Variants in OPA1 observed in about 807,000 individuals in gnomAD.
OPA1 encodes OPA1 mitochondrial dynamin like GTPase.
A neutral mutation model predicts 152.9 loss-of-function variants in OPA1; 59 were observed. The ratio of observed to expected loss-of-function variants is 0.39; its 90% confidence interval spans 0.31 to 0.48. The LOEUF (loss-of-function observed/expected upper bound fraction) is 0.48. Ranked by LOEUF, OPA1 falls within the 20% of genes least tolerant of loss-of-function variation. The probability of loss-of-function intolerance (pLI) is 0.96; values close to 1 mark genes in which losing one functional copy is unlikely to be tolerated. For synonymous variants in OPA1, 400 were observed against 389.9 expected, an observed-to-expected ratio of 1.03 and a Z score of -0.31; for missense variants, 1,008 against 1,216.8, an observed-to-expected ratio of 0.83 and a Z score of 2.55.
chr3:193,664,567 C>T (rs1716080813), intron 26 of OPA1, among the ~76,000 whole-genome samples: 2 of 151,706 alleles, frequency 1.3e-5, no homozygotes, highest in Non-Finnish European at 2.9e-5. Flanking sequence ...TTCCTCACCT[C>T]TAACTAGGGG....
intron 29 of OPA1, 195 bp from the exon 30 acceptor site, chr3:193,691,868 C>G (rs1456789567): frequency 7.8e-6 from 4 of 512,618 alleles, no homozygotes; most frequent in Non-Finnish European, 1.4e-5. Context: ...GTCTCTCCTC[C>G]CACTTCCAAA....
Position 193,593,264 on chromosome 3 carries a change from C to G in OPA1, c.-114C>G. The G allele has an allele frequency of 8.9e-7, 1 of 1,119,970 alleles. No individual in the cohort carries two copies. The highest frequency in any genetic ancestry group is 1.2e-6 in the Non-Finnish European group (1 of 811,282). The allele number at this position is 1,119,970 out of a possible 1,614,324, so 69.4% of individuals were successfully genotyped here. On this transcript the variant is annotated 5_prime_UTR_variant, in exon 1 of 31. Coordinates refer to ENST00000361510, the MANE Select transcript of OPA1 (RefSeq NM_130837.3). Reference sequence around the variant, plus strand: ...AGGGCCTCGGCCGCGGCTCTGTGCCCTTGCTGCTGAGGGCCACTTCCTGGG... The same window carrying G: ...AGGGCCTCGGCCGCGGCTCTGTGCCGTTGCTGCTGAGGGCCACTTCCTGGG...
chr3:193,633,074 G>T (rs969819334), intron 8 of OPA1, among the ~76,000 whole-genome samples: 1 of 147,862 alleles, frequency 6.8e-6, no homozygotes, highest in East Asian at 2.0e-4. Flanking sequence ...CTCACTATAC[G>T]CTAGACTCAC....
rs373007172 is a variant in OPA1 at position 193,618,410 on chromosome 3, G to A, written c.611-459G>A. On this transcript the variant is annotated intron_variant, in intron 5 of 30. Coordinates refer to ENST00000361510, the MANE Select transcript of OPA1 (RefSeq NM_130837.3). ...GGAGAATTGCTTGAACCCAGGAGGCGGAGGTTGCAGTGAGCCAAGATCGCG... is the reference window on the plus strand; with the variant it reads ...GGAGAATTGCTTGAACCCAGGAGGCAGAGGTTGCAGTGAGCCAAGATCGCG... Among the ~76,000 whole-genome samples the A allele has an allele frequency of 8.0e-4, 121 of 151,832 alleles. 1 individual carries two copies. Among genetic ancestry groups the A allele is most frequent in the African/African-American group, 2.8e-3 (117 of 41,432 alleles).
At chr3:193,663,078 G>C in intron 26 of OPA1, 116 bp downstream of exon 26, 1 of 1,005,956 alleles carries the variant, frequency 9.9e-7, no homozygotes, top group Non-Finnish European at 1.5e-6. Context: ...TTTGTCACGT[G>C]TACATTTGCT....
At chr3:193,683,546 T>C (rs1577390558) in intron 29 of OPA1, among the ~76,000 whole-genome samples, 2 of 152,180 alleles carry the variant, frequency 1.3e-5, no homozygotes, top group East Asian at 3.9e-4. Context: ...TGTGAAATCT[T>C]TCATGAAAGG....
intron 29 of OPA1, among the ~76,000 whole-genome samples, chr3:193,685,938 T>C (rs1720883304): frequency 6.6e-6 from 1 of 152,214 alleles, no homozygotes; most frequent in Admixed American, 6.5e-5. Flanking sequence ...GAATACAACA[T>C]TGTCATATAT....
intron 1 of OPA1, among the ~76,000 whole-genome samples, chr3:193,597,367 T>A (rs1725767316): frequency 6.6e-6 from 1 of 152,090 alleles, no homozygotes; most frequent in Non-Finnish European, 1.5e-5. Flanking sequence ...TATGGTGCCC[T>A]CCGTAAGAGC....
intron 29 of OPA1, among the ~76,000 whole-genome samples, chr3:193,673,485 G>A (rs922707681): frequency 2.6e-5 from 4 of 152,192 alleles, no homozygotes; most frequent in African/African-American, 9.7e-5. Context: ...CATGTCTCTA[G>A]ATATCCTTTA....
intron 6 of OPA1, among the ~76,000 whole-genome samples, chr3:193,622,386 G>C (rs971018887): frequency 4.0e-5 from 6 of 151,616 alleles, no homozygotes; most frequent in Admixed American, 1.3e-4. Context: ...CTGCCACCAC[G>C]CCTAGCTAAT....
intron 11 of OPA1, among the ~76,000 whole-genome samples, chr3:193,641,130 G>T (rs1733722824): frequency 6.6e-6 from 1 of 152,200 alleles, no homozygotes; most frequent in African/African-American, 2.4e-5. Flanking sequence ...ACATGGGAGA[G>T]AAACCTACCT....
rs146677275 is a variant in OPA1, at chr3:193,608,137, T to A, written c.33-6586T>A. Among the ~76,000 whole-genome samples, 1,440 of 152,292 alleles carry A rather than the reference T, an allele frequency of 9.5e-3. 22 individuals carry two copies. Among genetic ancestry groups the A allele is most frequent in the African/African-American group, 0.032 (1,351 of 41,570 alleles). ...GCTAGCGGTCTATCAATTTTGTTGA[T>A]CTTTTCGAAAAACCAGTTACTGGAT... On this transcript the variant is annotated intron_variant, in intron 1 of 30. Transcript: ENST00000361510.
intron 2 of OPA1, 85 bp downstream of exon 2, chr3:193,615,126 A>G (rs1476413469): frequency 4.8e-6 from 5 of 1,046,388 alleles, no homozygotes; most frequent in Non-Finnish European, 6.0e-6. Flanking sequence ...GTAGTGGAAT[A>G]CAATTGGATG....
chr3:193,638,772 AT>A (rs764668111), intron 11 of OPA1, among the ~76,000 whole-genome samples: 4 of 152,198 alleles, frequency 2.6e-5, no homozygotes, highest in Non-Finnish European at 4.4e-5. Context: ...AAATTACTAT[AT>A]TTTGTAAATG....
At position 193,615,618 on chromosome 3, in the gene OPA1, T is replaced by C. The variant is rs1728893456; in HGVS notation, c.352-56T>C. 6.4e-6 allele frequency: 6 copies of C among 943,966 alleles called. No individual in the cohort carries two copies. The East Asian group carries it at 1.4e-4, about 23-fold the overall frequency. The allele number at this position is 943,966 out of a possible 1,614,324, so 58.5% of individuals were successfully genotyped here. The stretch of plus-strand genomic sequence containing the variant: ...TGTGTTTTAATTAAATAATTTTTCT[T>C]TACATGTTTATTTGGCATGCAGAGC... On this transcript the variant is annotated intron_variant, in intron 2 of 30. Coordinates refer to ENST00000361510, the MANE Select transcript of OPA1 (RefSeq NM_130837.3).
intron 9 of OPA1, among the ~76,000 whole-genome samples, chr3:193,636,771 C>T (rs1343623588): frequency 1.3e-5 from 2 of 152,118 alleles, no homozygotes; most frequent in African/African-American, 4.8e-5. Flanking sequence ...CTTGCACGTG[C>T]TCTCTGTCCT....
chr3:193,623,366 A>G (rs1274068540), intron 6 of OPA1, among the ~76,000 whole-genome samples: 1 of 152,180 alleles, frequency 6.6e-6, no homozygotes, highest in African/African-American at 2.4e-5. Context: ...TACCAAACTC[A>G]TTAACTTTTA....
At chr3:193,679,795 G>T (rs1719835184) in intron 29 of OPA1, among the ~76,000 whole-genome samples, 4 of 152,032 alleles carry the variant, frequency 2.6e-5, no homozygotes, top group Admixed American at 2.6e-4. Flanking sequence ...ATAATTCTAG[G>T]TTTATAAATC....
chr3:193,669,234 G>A (rs189582605), intron 29 of OPA1, among the ~76,000 whole-genome samples: 2 of 152,262 alleles, frequency 1.3e-5, no homozygotes, highest in East Asian at 1.9e-4. Context: ...CAGCGCTTGC[G>A]GCCCCATTCT....
Sources: allele counts gnomAD v4.1 joint callset (sites outside exome capture counted in the v4.1 genomes callset), GRCh38; gene constraint gnomAD v4.1.1; transcripts MANE v1.5; gene names NCBI Gene and HGNC (gene_info 2026-07-23, HGNC 2026-07-21).